Variants in WDR90 observed in about 807,000 individuals in gnomAD.
WDR90 encodes WD repeat domain 90.
Under a neutral mutation model 195.2 loss-of-function variants are expected in WDR90, and 238 were observed. That is an observed-to-expected ratio of 1.22 (90% confidence interval 1.10 to 1.36). The LOEUF (loss-of-function observed/expected upper bound fraction) is 1.36. Among genes scored for constraint, WDR90 ranks in the 40% most tolerant of loss-of-function variants. The pLI, the probability that WDR90 is intolerant of heterozygous loss-of-function variation, is 0.00. For synonymous variants in WDR90, 1,265 were observed against 1,052.4 expected (o/e 1.20, Z -3.91); for missense variants, 2,734 against 2,439.5 (o/e 1.12, Z -2.54).
At chr16:650,826 T>G in intron 5 of WDR90, 117 bp downstream of exon 5, 1 of 1,501,318 alleles carries the variant, frequency 6.7e-7, no homozygotes, top group Non-Finnish European at 9.1e-7. Context: ...GTCTCTGAGC[T>G]CTGGCCAGAA....
At chr16:662,561 G>A in intron 33 of WDR90, 118 bp from the exon 34 acceptor site, 2 of 1,397,214 alleles carry the variant, frequency 1.4e-6, no homozygotes, top group Non-Finnish European at 9.7e-7. Context: ...CACCGGGAGG[G>A]CACAGCCAGG....
chr16:657,366 G>A, intron 20 of WDR90, 145 bp downstream of exon 20: 1 of 1,260,400 alleles, frequency 7.9e-7, no homozygotes, highest in Non-Finnish European at 1.1e-6. Flanking sequence ...CAGTAACCTT[G>A]TCAAGGCCCT....
At position 651,972 on chromosome 16, in the gene WDR90, C is replaced by T. The variant is rs2037656307; in HGVS notation, c.986C>T (p.Ala329Val). The T allele has an allele frequency of 1.9e-6, 3 of 1,607,350 alleles. No individual in the cohort carries two copies. The highest frequency in any genetic ancestry group is 2.5e-6 in the Non-Finnish European group (3 of 1,177,934). ...QLEASDIHTA[A>V]AGTHVLTHES... ...GAGGCCTCTGACATCCACACGGCTG[C>T]TGCCGGCACCCACGTGTTGACTCAC... The change falls in exon 9 of 41, where the codon GCT becomes GTT. Residue 329 changes from alanine to valine, a missense_variant. Ala to Val is a moderately conservative substitution (Grantham distance 64). Transcript: ENST00000293879.
chr16:653,933 G>T, intron 13 of WDR90, 130 bp downstream of exon 13: 1 of 1,181,340 alleles, frequency 8.5e-7, no homozygotes, highest in Non-Finnish European at 1.2e-6. Flanking sequence ...TCCCTGTGGT[G>T]GGGCTCCCTG....
At chr16:662,570 G>T (rs1005283431) in intron 33 of WDR90, 109 bp from the exon 34 acceptor site, 1 of 1,435,442 alleles carries the variant, frequency 7.0e-7, no homozygotes, top group African/African-American at 1.4e-5. Flanking sequence ...GGCACAGCCA[G>T]GTCCTGAGAT....
In WDR90 at chr16:650,671, T is replaced by G. The variant is rs1197384373; in HGVS notation, c.521T>G (p.Val174Gly). The G allele has an allele frequency of 2.5e-6, 4 of 1,612,466 alleles. No homozygotes were observed. In the East Asian group the frequency reaches 8.9e-5, roughly 36 times the overall value. ...KSIRLCASLL[V>G]RNLYTSDLCF... ...ATCAGGCTGTGCGCCAGCCTGCTGGTCAGGAACCTGTACACCAGTGACCTG... is the reference window on the plus strand; with the variant it reads ...ATCAGGCTGTGCGCCAGCCTGCTGGGCAGGAACCTGTACACCAGTGACCTG... Residue 174 changes from valine to glycine, a missense_variant, in exon 5 of 41, where the codon GTC becomes GGC. Val to Gly is a moderately radical substitution (Grantham distance 109, BLOSUM62 -3). Coordinates refer to ENST00000293879, the MANE Select transcript of WDR90 (RefSeq NM_145294.5).
chr16:654,844 G>A (rs1326963437), intron 13 of WDR90, 185 bp from the exon 14 acceptor site: 2 of 607,872 alleles, frequency 3.3e-6, no homozygotes, highest in South Asian at 2.0e-5. Context: ...CTCTGTAGAA[G>A]TCCCAAAGCT....
chr16:658,684 C>A (rs187946650), intron 23 of WDR90, 31 bp downstream of exon 23: 2 of 1,594,734 alleles, frequency 1.3e-6, no homozygotes, highest in Non-Finnish European at 1.7e-6. Flanking sequence ...GTGGCTTTGG[C>A]GGTCAGGAGC....
chr16:649,325 C>G, upstream of WDR90: 1 of 1,296,020 alleles, frequency 7.7e-7, no homozygotes, highest in Non-Finnish European at 9.8e-7. Context: ...GCGGAAGTGG[C>G]ACCGTTGCCA....
At position 662,853 on chromosome 16, in the gene WDR90, C is replaced by G; in HGVS notation, c.4311+9C>G. On this transcript the variant is annotated intron_variant, in intron 34 of 40. Coordinates refer to ENST00000293879, the MANE Select transcript of WDR90 (RefSeq NM_145294.5). ...GTGGCCACAGGAGCAAGGTGAGGGA[C>G]TTCCAGCCTGGGCAGAGGCGGGGCA... The G allele has an allele frequency of 6.4e-7, 1 of 1,550,820 alleles. No individual in the cohort carries two copies. The highest frequency in any genetic ancestry group is 8.7e-7 in the Non-Finnish European group (1 of 1,152,024).
At chr16:665,496 A>G (rs376845279) in intron 34 of WDR90, 183 bp from the exon 35 acceptor site, 1 of 914,134 alleles carries the variant, frequency 1.1e-6, no homozygotes, top group African/African-American at 1.6e-5. Flanking sequence ...ACTCACCCAG[A>G]TCTAGTGCAG....
chr16:651,454 C>A (rs1183992524), intron 7 of WDR90, among the ~76,000 whole-genome samples, 188 bp downstream of exon 7: 1 of 152,058 alleles, frequency 6.6e-6, no homozygotes, highest in African/African-American at 2.4e-5. Flanking sequence ...TGAGGGGTAC[C>A]CGGGGGCCCC....
rs757344347 is a variant in WDR90 at position 661,373 on chromosome 16, C to T, written c.3545C>T (p.Thr1182Met). ...VLASASGRSS[T>M]TAHCQIRVWD... Reference sequence around the variant, plus strand: ...GCCTCTGCCTCGGGCCGAAGCAGCACGACCGCCCATTGTCAGATCCGCGTC... The same window carrying T: ...GCCTCTGCCTCGGGCCGAAGCAGCATGACCGCCCATTGTCAGATCCGCGTC... The change falls in exon 30 of 41, where the codon ACG becomes ATG. Residue 1182 changes from threonine (T) to methionine (M), a missense_variant. By Grantham distance (81) the Thr-to-Met change is moderately conservative. Transcript: ENST00000293879. 1.7e-5 allele frequency: 28 copies of T among 1,609,446 alleles called. No individual in the cohort carries two copies. Among genetic ancestry groups the T allele is most frequent in the Admixed American group, 1.7e-4 (10 of 59,894 alleles).
Position 651,214 on chromosome 16 carries a change from C to A in WDR90, c.684C>A (p.Ser228Arg). The A allele has an allele frequency of 6.2e-7, 1 of 1,613,170 alleles. No homozygotes were observed. The highest frequency in any genetic ancestry group is 8.5e-7 in the Non-Finnish European group (1 of 1,179,990). Residue 228 changes from serine (S) to arginine (R), a missense_variant, in exon 7 of 41, where the codon AGC becomes AGA. By Grantham distance (110) the Ser-to-Arg change is moderately radical. Transcript: ENST00000293879. ...RYIHVRFPSE[S>R]LKVPSKPIEK... is the part of the protein sequence containing the mutation. Reference sequence around the variant, plus strand: ...GCCTGCCAAGGTTTCCAAGTGAGAGCTTGAAAGTGCCTTCCAAGCCGATTG... The same window carrying A: ...GCCTGCCAAGGTTTCCAAGTGAGAGATTGAAAGTGCCTTCCAAGCCGATTG...
intron 17 of WDR90, 144 bp downstream of exon 17, chr16:656,033 G>A (rs748360552): frequency 2.9e-6 from 3 of 1,039,802 alleles, no homozygotes; most frequent in Non-Finnish European, 4.1e-6. Context: ...GGCATATCCA[G>A]AGCCCTGGGG....
intron 1 of WDR90, 129 bp from the exon 2 acceptor site, chr16:649,634 G>A: frequency 8.5e-7 from 1 of 1,173,816 alleles, no homozygotes; most frequent in South Asian, 2.2e-5. Flanking sequence ...AGCCTAGCTG[G>A]CGTTGGCGTC....
rs1245631569 is a variant in WDR90, at chr16:651,278, G to C, written c.736+12G>C. ...CCCTCCTGAGGCAGGTGGGTCTGGG[G>C]GGTCAGCGGGGACCCAGGTTAAGGC... On this transcript the variant is annotated intron_variant, in intron 7 of 40. Coordinates refer to ENST00000293879, the MANE Select transcript of WDR90 (RefSeq NM_145294.5). 1 of 1,612,652 alleles carries C rather than the reference G, an allele frequency of 6.2e-7. No individual in the cohort carries two copies. The highest frequency in any genetic ancestry group is 2.2e-5 in the East Asian group (1 of 44,892).
rs751286268 is a variant in WDR90 at position 651,922 on chromosome 16, T to C, written c.936T>C (p.His312=). The C allele has an allele frequency of 6.2e-6, 10 of 1,610,408 alleles. No homozygotes were observed. The East Asian group carries it at 1.3e-4, about 22-fold the overall frequency. The change falls in exon 9 of 41, where the codon CAT becomes CAC. Residue 312 remains histidine, a synonymous_variant. Coordinates refer to ENST00000293879, the MANE Select transcript of WDR90 (RefSeq NM_145294.5). ...CCAACGCGGATGGCCCCGGTTTCCA[T>C]AGCCTTGAGCCCTGGGCCCAGCTGG... ...DASNADGPGF[H]SLEPWAQLEA...
chr16:655,146 A>T lies in WDR90; in HGVS notation c.1555A>T (p.Arg519Trp). 1.2e-6 allele frequency: 2 copies of T among 1,612,560 alleles called. No homozygotes were observed. Among genetic ancestry groups the T allele is most frequent in the Non-Finnish European group, 1.7e-6 (2 of 1,179,714 alleles). ...AFRVTFFDETRMASCGQGSVR... is the reference protein window; with the variant it reads ...AFRVTFFDETWMASCGQGSVR... ...CCGGGTCACCTTTTTTGATGAAACC[A>T]GGTGATGCAGCCGCCCATCCACGAT... The change falls in exon 14 of 41, where the codon AGG becomes TGG. Residue 519 changes from arginine (R) to tryptophan (W), a missense_variant and splice_region_variant. Transcript: ENST00000293879.
Sources: allele counts gnomAD v4.1 joint callset (sites outside exome capture counted in the v4.1 genomes callset), GRCh38; gene constraint gnomAD v4.1.1; transcripts MANE v1.5; gene names NCBI Gene and HGNC (gene_info 2026-07-23, HGNC 2026-07-21).